ARX: variants seen among roughly 807,000 people sequenced by gnomAD.
ARX encodes the protein aristaless related homeobox, also known as homeobox protein ARX.
A neutral mutation model predicts 23.1 loss-of-function variants in ARX; 1 was observed. The ratio of observed to expected loss-of-function variants is 0.04; its 90% CI spans 0.02 to 0.21. The LOEUF (loss-of-function observed/expected upper bound fraction) is 0.21, where lower values mean the gene tolerates loss of function less well. Among genes scored for constraint, ARX ranks in the 10% least tolerant of loss-of-function variants. The probability of loss-of-function intolerance (pLI) is 1.00; values close to 1 mark genes in which losing one functional copy is unlikely to be tolerated. For missense variants in ARX, 380 were observed against 527.5 expected (o/e 0.72, Z 2.74); for synonymous variants, 301 against 270.1 (o/e 1.11, Z -1.12).
chrX:25,007,333 G>A lies in ARX; in HGVS notation c.1226C>T (p.Pro409Leu). 2 of 1,143,174 alleles carry A rather than the reference G, an allele frequency of 1.7e-6. No individual in the cohort carries two copies. The highest frequency in any genetic ancestry group is 2.3e-6 in the Non-Finnish European group (2 of 866,602). The allele number at this position is 1,143,174 out of a possible 1,213,427, so 94.2% of individuals were successfully genotyped here. A position where few individuals can be genotyped will look rare whatever the true frequency, so the allele number is the denominator to read the frequency against. The change falls in exon 4 of 5, where the codon CCG becomes CTG. Residue 409 changes from proline (P) to leucine (L), a missense_variant. Physicochemically the swap from Pro to Leu is moderately conservative, Grantham distance 98. Coordinates refer to ENST00000379044, the MANE Select transcript of ARX (RefSeq NM_139058.3). ...PFPGPLSATH[P>L]LSPYLDASPF... is the part of the protein sequence containing the mutation. ...GCTGGCGTCCAGGTAGGGGCTGAGC[G>A]GGTGGGTGGCGGAGAGCGGCCCCGG... is the stretch of plus-strand genomic sequence containing the variant.
At chrX:25,007,596 G>A (rs192363904) in intron 3 of ARX, among the ~76,000 whole-genome samples, 157 bp from the exon 4 acceptor site, 1 of 111,342 alleles carries the variant, frequency 9.0e-6, no homozygotes, top group Non-Finnish European at 1.9e-5. Flanking sequence ...GTTTTCGGAC[G>A]CGTCTGGGGC....
At chrX:25,008,625 G>T (rs1353266853) in intron 3 of ARX, among the ~76,000 whole-genome samples, 3 of 112,159 alleles carry the variant, frequency 2.7e-5, no homozygotes, top group Admixed American at 9.4e-5. Context: ...TATTTTTAGG[G>T]CTGGGTTTAT....
chrX:25,014,028 C>T (rs1330176651), intron 1 of ARX, among the ~76,000 whole-genome samples: 3 of 110,699 alleles, frequency 2.7e-5, no homozygotes, highest in Non-Finnish European at 5.7e-5. Flanking sequence ...TTCCCCTTTC[C>T]TCTCCCTTCT....
In ARX at chrX:25,004,793, C is replaced by T. The variant is rs2048669806; in HGVS notation, c.1566G>A (p.Thr522=). The T allele has an allele frequency of 8.5e-7, 1 of 1,170,964 alleles. No individual in the cohort carries two copies. The highest frequency in any genetic ancestry group is 1.1e-6 in the Non-Finnish European group (1 of 875,856). ...VASGALADPA[T]AAADRRASSI... is the part of the protein sequence containing the mutation. Reference sequence around the variant, plus strand: ...TAGAGGCGCGTCTGTCTGCGGCCGCCGTGGCCGGGTCGGCCAGGGCGCCCG... The same window carrying T: ...TAGAGGCGCGTCTGTCTGCGGCCGCTGTGGCCGGGTCGGCCAGGGCGCCCG... The change falls in exon 5 of 5, where the codon ACG becomes ACA. Residue 522 remains threonine, a synonymous_variant. Coordinates refer to ENST00000379044, the MANE Select transcript of ARX (RefSeq NM_139058.3).
chrX:25,011,121 G>C (rs763033468), intron 2 of ARX, among the ~76,000 whole-genome samples: 1 of 112,374 alleles, frequency 8.9e-6, no homozygotes, highest in East Asian at 2.8e-4. Flanking sequence ...TGACCGCGCC[G>C]AGAATAATTG....
At position 25,013,317 on chromosome X, in the gene ARX, G is replaced by A. The variant is rs764730866; in HGVS notation, c.678C>T (p.Asp226=). ...CTTCGTCCTCCAGCAGCTCCTCCTC[G>A]TCGTCCTCGGTGCCGGTGCCACCAC... ...AAGGGTGTED[D]EEELLEDEED... The change falls in exon 2 of 5, where the codon GAC becomes GAT. Residue 226 remains aspartate, a synonymous_variant. Coordinates refer to ENST00000379044, the MANE Select transcript of ARX (RefSeq NM_139058.3). 8 of 1,152,138 alleles carry A rather than the reference G, an allele frequency of 6.9e-6. No individual in the cohort carries two copies. Among genetic ancestry groups the A allele is most frequent in the Non-Finnish European group, 9.2e-6 (8 of 871,360 alleles). 94.9% of individuals were successfully genotyped at this position (1,152,138 alleles called of 1,213,427 possible). A position where few individuals can be genotyped will look rare whatever the true frequency, so the allele number is the denominator to read the frequency against.
Position 25,015,961 on chromosome X carries a change from G to A in ARX, c.-224C>T. 1 of 433,912 alleles carries A rather than the reference G, an allele frequency of 2.3e-6. No individual in the cohort carries two copies. Among genetic ancestry groups the A allele is most frequent in the East Asian group, 3.9e-5 (1 of 25,846 alleles). The allele number at this position is 433,912 out of a possible 1,213,427, so 35.8% of individuals were successfully genotyped here. The stretch of plus-strand genomic sequence containing the variant: ...GCGCTCAGGACAAGCGGTAACAAGT[G>A]TAGTGAGCAGCGGGCGCTGAGCTCT... On this transcript the variant is annotated 5_prime_UTR_variant, in exon 1 of 5. Coordinates refer to ENST00000379044, the MANE Select transcript of ARX (RefSeq NM_139058.3).
rs2048726088 is a variant in ARX, at chrX:25,015,962, T to C, written c.-225A>G. On this transcript the variant is annotated 5_prime_UTR_variant, in exon 1 of 5. Coordinates refer to ENST00000379044, the MANE Select transcript of ARX (RefSeq NM_139058.3). ...CGCTCAGGACAAGCGGTAACAAGTG[T>C]AGTGAGCAGCGGGCGCTGAGCTCTG... 4.6e-6 allele frequency: 2 copies of C among 430,788 alleles called. No individual in the cohort carries two copies. The highest frequency in any genetic ancestry group is 8.2e-6 in the Non-Finnish European group (2 of 244,665). 35.5% of individuals were successfully genotyped at this position (430,788 alleles called of 1,213,427 possible).
chrX:25,004,736 C>T lies in ARX; in HGVS notation c.1623G>A (p.Glu541=), dbSNP rs1487981076. Residue 541 remains glutamate (E), a synonymous_variant, in exon 5 of 5, where the codon GAG becomes GAA. Transcript: ENST00000379044. ...SIAALRLKAK[E]HAAQLTQLNI... ...TGAGCTGCGTGAGCTGCGCCGCGTG[C>T]TCCTTGGCCTTGAGCCTCAGCGCGG... 8.6e-7 allele frequency: 1 copy of T among 1,165,932 alleles called. No individual in the cohort carries two copies. Among genetic ancestry groups the T allele is most frequent in the African/African-American group, 1.8e-5 (1 of 56,295 alleles).
chrX:25,007,041 C>T, intron 4 of ARX, 70 bp downstream of exon 4: 1 of 1,121,259 alleles, frequency 8.9e-7, no homozygotes, highest in Non-Finnish European at 1.2e-6. Flanking sequence ...ACTCCTGCCT[C>T]CTCCCTGCCC....
chrX:25,013,963 G>T (rs918525813), intron 1 of ARX, among the ~76,000 whole-genome samples, 165 bp from the exon 2 acceptor site: 5 of 112,417 alleles, frequency 4.4e-5, no homozygotes, highest in African/African-American at 1.6e-4. Flanking sequence ...CACTTTTCTT[G>T]CTTTTTCTTT....
At chrX:25,007,035 C>T in intron 4 of ARX, 76 bp downstream of exon 4, 1 of 1,105,069 alleles carries the variant, frequency 9.0e-7, no homozygotes, top group Non-Finnish European at 1.2e-6. Context: ...TGTTTGACTC[C>T]TGCCTCCTCC....
intron 2 of ARX, 98 bp downstream of exon 2, chrX:25,012,824 G>T: frequency 3.5e-6 from 4 of 1,157,962 alleles, no homozygotes; most frequent in Non-Finnish European, 4.6e-6. Context: ...GGAGCCAAGC[G>T]TCCGCCCCGA....
intron 3 of ARX, 47 bp from the exon 4 acceptor site, chrX:25,007,486 G>A (rs1479855637): frequency 8.8e-7 from 1 of 1,133,764 alleles, no homozygotes; most frequent in Non-Finnish European, 1.2e-6. Flanking sequence ...GGCCCGGCGG[G>A]CGCACCGGGC....
chrX:25,015,760 G>T lies in ARX; in HGVS notation c.-23C>A, dbSNP rs1177048685. ...CATGGCTGGGGCTTTTTCCCAGGGC[G>T]CAGAGAGCGGATCGCCGGCTGCCTC... On this transcript the variant is annotated 5_prime_UTR_variant, in exon 1 of 5. Transcript: ENST00000379044. 8.5e-7 allele frequency: 1 copy of T among 1,178,167 alleles called. No homozygotes were observed. The highest frequency in any genetic ancestry group is 2.4e-5 in the Admixed American group (1 of 42,330).
In ARX at chrX:25,013,657, G is replaced by A. The variant is rs1162618707; in HGVS notation, c.338C>T (p.Ala113Val). ...TGGACCCGCCGTGGCCGTGGCGGCC[G>A]CTGCCGCCGCCGCCGCCGCCGCCGC... ...AAAAAAAAAA[A>V]AATATAGPRG... The change falls in exon 2 of 5, where the codon GCG becomes GTG. Residue 113 changes from alanine to valine, a missense_variant. Coordinates refer to ENST00000379044, the MANE Select transcript of ARX (RefSeq NM_139058.3). The A allele has an allele frequency of 3.9e-6, 3 of 772,085 alleles. No homozygotes were observed. Among genetic ancestry groups the A allele is most frequent in the Non-Finnish European group, 4.6e-6 (3 of 653,702 alleles). The allele number at this position is 772,085 out of a possible 1,213,427, so 63.6% of individuals were successfully genotyped here.
chrX:25,015,330 G>A (rs1425258562), intron 1 of ARX, among the ~76,000 whole-genome samples: 1 of 105,248 alleles, frequency 9.5e-6, no homozygotes, highest in Non-Finnish European at 2.0e-5. Context: ...CTCCCTAAGC[G>A]AAAACGGGCC....
intron 1 of ARX, 28 bp from the exon 2 acceptor site, chrX:25,013,826 G>C: frequency 1.1e-6 from 1 of 910,009 alleles, no homozygotes; most frequent in East Asian, 4.5e-5. Context: ...CTATCAGCCA[G>C]CCGGCCGGCC....
Position 25,004,572 on chromosome X carries a change from G to A in ARX, c.*98C>T. On this transcript the variant is annotated 3_prime_UTR_variant, in exon 5 of 5. Transcript: ENST00000379044. The stretch of plus-strand genomic sequence containing the variant: ...GGCTGCGCTCTCTCAGTGCCGTCTC[G>A]GGAGTGTGCTGGTCCTCTGTTTCCA... 5 of 1,137,766 alleles carry A rather than the reference G, an allele frequency of 4.4e-6. No individual in the cohort carries two copies. Among genetic ancestry groups the A allele is most frequent in the Non-Finnish European group, 5.8e-6 (5 of 856,192 alleles). The allele number at this position is 1,137,766 out of a possible 1,213,427, so 93.8% of individuals were successfully genotyped here.
Sources: allele counts gnomAD v4.1 joint callset (sites outside exome capture counted in the v4.1 genomes callset), GRCh38; gene constraint gnomAD v4.1.1; transcripts MANE v1.5; gene names NCBI Gene and HGNC (gene_info 2026-07-23, HGNC 2026-07-21).